The following GRID2 variants were observed in gnomAD, a reference collection of about 807,000 sequenced individuals.
GRID2 encodes glutamate receptor ionotropic, delta-2.
In GRID2, 33 loss-of-function variants were observed where a neutral mutation model predicts 114.8. The observed-to-expected ratio is 0.29, with a 90% confidence interval of 0.22 to 0.38. GRID2 has a LOEUF of 0.38. Ranked by LOEUF, GRID2 falls within the 10% of genes least tolerant of loss-of-function variation. GRID2 has a pLI of 1.00. For missense variants in GRID2, 1,184 were observed against 1,257.7 expected (o/e 0.94, Z 0.89); for synonymous variants, 505 against 449.9 (o/e 1.12, Z -1.55).
chr4:92,622,140 A>G (rs897760464), intron 2 of GRID2, among the ~76,000 whole-genome samples: 1 of 151,796 alleles, frequency 6.6e-6, no homozygotes, highest in African/African-American at 2.4e-5. Flanking sequence ...AGAGTCAATT[A>G]GAGATGATGG....
intron 2 of GRID2, among the ~76,000 whole-genome samples, chr4:92,912,992 T>C (rs991599803): frequency 2.0e-5 from 3 of 151,874 alleles, no homozygotes; most frequent in African/African-American, 7.2e-5. Context: ...TACTTCCTTA[T>C]ATACAAGTAG....
Position 92,655,701 on chromosome 4 carries a change from A to G in GRID2, c.244+65415A>G, listed in dbSNP as rs1352047346. Among the ~76,000 whole-genome samples the G allele has an allele frequency of 2.0e-5, 3 of 151,374 alleles. No individual in the cohort carries two copies. In the East Asian group the frequency reaches 5.8e-4, roughly 29 times the overall value. ...TTCATTATTGATGGCTAGAAATATT[A>G]CTGAGTTTGTATGTGATTTTGTATC... On this transcript the variant is annotated intron_variant, in intron 2 of 15. Coordinates refer to ENST00000282020, the MANE Select transcript of GRID2 (RefSeq NM_001510.4).
At chr4:93,724,496 CGTG>C (rs1560945444) in intron 14 of GRID2, among the ~76,000 whole-genome samples, 1 of 152,044 alleles carries the variant, frequency 6.6e-6, no homozygotes, top group African/African-American at 2.4e-5. Context: ...GCAGCTAACT[CGTG>C]GAATATACTA....
Position 93,731,264 on chromosome 4 carries a change from G to A in GRID2, c.2361-37946G>A, listed in dbSNP as rs1041893584. ...AACAGAGGCCAAGAAGGTCATGACT[G>A]AAAATCATCTGTTGCAGTCGACAAC... On this transcript the variant is annotated intron_variant, in intron 14 of 15. Transcript: ENST00000282020. 2.0e-5 allele frequency among the ~76,000 whole-genome samples: 3 copies of A among 152,188 alleles called. No homozygotes were observed. The East Asian group carries it at 5.8e-4, about 29-fold the overall frequency.
At chr4:93,006,887 A>C (rs1391980603) in intron 2 of GRID2, among the ~76,000 whole-genome samples, 2 of 151,970 alleles carry the variant, frequency 1.3e-5, no homozygotes, top group Non-Finnish European at 2.9e-5. Context: ...TTCCTTCCAA[A>C]AGTAAGTAAA....
At chr4:92,708,032 G>A (rs1186354452) in intron 2 of GRID2, among the ~76,000 whole-genome samples, 3 of 152,114 alleles carry the variant, frequency 2.0e-5, no homozygotes, top group African/African-American at 7.2e-5. Context: ...TTTTGGCAAT[G>A]GTGAGAGACA....
At chr4:93,233,301 G>A (rs765229479) in intron 7 of GRID2, among the ~76,000 whole-genome samples, 23 of 151,082 alleles carry the variant, frequency 1.5e-4, no homozygotes, top group Non-Finnish European at 3.0e-4. Flanking sequence ...AAGGAATAAC[G>A]TGACACTGAA....
Position 92,440,663 on chromosome 4 carries a change from T to C in GRID2, c.88+135919T>C, listed in dbSNP as rs1733001919. The stretch of plus-strand genomic sequence containing the variant: ...AGAGGCGGGCTAGTGGCTTGTACTA[T>C]AGCATAACCTGCCTTTGCTGGTGTG... On this transcript the variant is annotated intron_variant, in intron 1 of 15. Coordinates refer to ENST00000282020, the MANE Select transcript of GRID2 (RefSeq NM_001510.4). 3.9e-5 allele frequency among the ~76,000 whole-genome samples: 6 copies of C among 152,016 alleles called. No homozygotes were observed. In the South Asian group the frequency reaches 6.2e-4, roughly 16 times the overall value.
intron 2 of GRID2, among the ~76,000 whole-genome samples, chr4:92,755,402 A>C (rs1737664968): frequency 6.6e-6 from 1 of 152,294 alleles, no homozygotes; most frequent in South Asian, 2.1e-4. Flanking sequence ...ATAATTTCCT[A>C]TCTTCAAGTA....
At chr4:92,361,531 G>T (rs777451692) in intron 1 of GRID2, among the ~76,000 whole-genome samples, 3 of 151,928 alleles carry the variant, frequency 2.0e-5, no homozygotes, top group Non-Finnish European at 4.4e-5. Flanking sequence ...ATATTTTTAG[G>T]ATCCAGGTGT....
chr4:93,518,698 T>C (rs1199014198), intron 13 of GRID2, among the ~76,000 whole-genome samples: 1 of 152,078 alleles, frequency 6.6e-6, no homozygotes, highest in Non-Finnish European at 1.5e-5. Context: ...ATCTGCTTTA[T>C]TAAATCAGGT....
At chr4:93,368,065 T>C (rs1017086090) in intron 8 of GRID2, among the ~76,000 whole-genome samples, 6 of 152,158 alleles carry the variant, frequency 3.9e-5, no homozygotes, top group Admixed American at 2.6e-4. Flanking sequence ...GAAGTATCAA[T>C]GCTTAAAGAC....
At chr4:93,367,670 C>G (rs1039418504) in intron 8 of GRID2, among the ~76,000 whole-genome samples, 3 of 152,092 alleles carry the variant, frequency 2.0e-5, no homozygotes, top group Non-Finnish European at 4.4e-5. Context: ...ATCTTGACTT[C>G]TAGCAAAGTA....
At chr4:92,358,526 G>A (rs950981945) in intron 1 of GRID2, among the ~76,000 whole-genome samples, 6 of 151,924 alleles carry the variant, frequency 3.9e-5, no homozygotes, top group Admixed American at 6.6e-5. Context: ...GTAGAAATGG[G>A]AAGAAAGTTT....
chr4:93,246,947 A>G (rs571683153), intron 8 of GRID2, among the ~76,000 whole-genome samples: 12 of 152,282 alleles, frequency 7.9e-5, no homozygotes, highest in African/African-American at 2.9e-4. Flanking sequence ...AGAGTAGAGA[A>G]AATAACCCGT....
At chr4:93,169,385 G>A (rs545193049) in intron 4 of GRID2, among the ~76,000 whole-genome samples, 15 of 152,162 alleles carry the variant, frequency 9.9e-5, no homozygotes, top group Non-Finnish European at 1.9e-4. Context: ...AAGTAGTCTC[G>A]AAAATATGAT....
chr4:93,565,306 C>T (rs1735298144), intron 13 of GRID2, among the ~76,000 whole-genome samples: 1 of 152,080 alleles, frequency 6.6e-6, no homozygotes, highest in Non-Finnish European at 1.5e-5. Flanking sequence ...GGATTTCATT[C>T]ATATCAATAT....
intron 6 of GRID2, among the ~76,000 whole-genome samples, chr4:93,217,980 C>T (rs1221497392): frequency 1.3e-5 from 2 of 151,726 alleles, no homozygotes; most frequent in East Asian, 3.9e-4. Context: ...CCTAGGAAAA[C>T]TAGTTCCTCT....
chr4:93,107,221 C>T (rs1732324376), intron 3 of GRID2, among the ~76,000 whole-genome samples: 1 of 152,096 alleles, frequency 6.6e-6, no homozygotes, highest in Admixed American at 6.6e-5. Context: ...ATCGCTTAAG[C>T]CTGGGAGGTG....
Sources: gnomAD v4.1 joint callset for allele counts (sites outside exome capture counted in the v4.1 genomes callset) on GRCh38, gnomAD v4.1.1 for gene constraint, MANE v1.5 for transcripts, NCBI Gene and HGNC (gene_info 2026-07-23, HGNC 2026-07-21) for gene names.